Variants in SEMA5A observed in about 807,000 individuals in gnomAD.
SEMA5A encodes semaphorin-5A.
Under a neutral mutation model 135.5 loss-of-function variants are expected in SEMA5A, and 55 were observed. The ratio of observed to expected loss-of-function variants is 0.41; its 90% CI spans 0.33 to 0.51. The LOEUF (loss-of-function observed/expected upper bound fraction) is 0.51. Among genes scored for constraint, SEMA5A ranks in the 20% least tolerant of loss-of-function variants. The pLI, the probability that SEMA5A is intolerant of heterozygous loss-of-function variation, is 0.37. For missense variants in SEMA5A, 1,290 were observed against 1,419.9 expected (o/e 0.91, Z 1.47); for synonymous variants, 580 against 546.5 (o/e 1.06, Z -0.85).
Position 9,122,856 on chromosome 5 carries a change from C to T in SEMA5A, c.1600-19G>A, listed in dbSNP as rs995248665. ...TCCTGGTCTAGGAAGCAAAACCAAG[C>T]AGAGGTGTCAGAAAAGGTTAAAGCT... On this transcript the variant is annotated intron_variant, in intron 13 of 22. Coordinates refer to ENST00000382496, the MANE Select transcript of SEMA5A (RefSeq NM_003966.3). 3 of 1,570,122 alleles carry T rather than the reference C, an allele frequency of 1.9e-6. No homozygotes were observed. In the African/African-American group the frequency reaches 4.1e-5, roughly 21 times the overall value.
At chr5:9,359,049 T>C (rs1321376381) in intron 3 of SEMA5A, among the ~76,000 whole-genome samples, 1 of 152,072 alleles carries the variant, frequency 6.6e-6, no homozygotes, top group Non-Finnish European at 1.5e-5. Flanking sequence ...CCATTTCCTC[T>C]CCTAGACAGG....
At chr5:9,280,622 T>C (rs1266698228) in intron 5 of SEMA5A, among the ~76,000 whole-genome samples, 3 of 152,208 alleles carry the variant, frequency 2.0e-5, no homozygotes, top group Non-Finnish European at 2.9e-5. Context: ...ACATTAAAAA[T>C]ATGCAGTGTT....
chr5:9,121,408 A>G (rs1356478111), intron 14 of SEMA5A, among the ~76,000 whole-genome samples: 1 of 152,234 alleles, frequency 6.6e-6, no homozygotes, highest in African/African-American at 2.4e-5. Context: ...TTTTAATCTT[A>G]AAATAACTAC....
chr5:9,046,201 C>T (rs1284184825), intron 21 of SEMA5A, among the ~76,000 whole-genome samples: 3 of 152,298 alleles, frequency 2.0e-5, no homozygotes, highest in East Asian at 3.9e-4. Flanking sequence ...CCACACACCA[C>T]CAGGGTGAGG....
chr5:9,146,350 T>G (rs1742333736), intron 12 of SEMA5A, among the ~76,000 whole-genome samples: 1 of 152,234 alleles, frequency 6.6e-6, no homozygotes, highest in African/African-American at 2.4e-5. Context: ...AATGTTGCTG[T>G]GCTTTATTAC....
intron 1 of SEMA5A, among the ~76,000 whole-genome samples, chr5:9,540,053 C>G (rs1737991390): frequency 1.3e-5 from 2 of 152,252 alleles, no homozygotes; most frequent in Middle Eastern, 6.8e-3. Flanking sequence ...TTGCTTAAGC[C>G]TTAGTCCTTT....
At chr5:9,318,311 C>T (rs1026847282) in intron 5 of SEMA5A, 61 bp downstream of exon 5, 6 of 1,511,952 alleles carry the variant, frequency 4.0e-6, no homozygotes. Flanking sequence ...TCTTCATCCC[C>T]TCAAACAGTG....
chr5:9,456,111 T>C (rs1561267580), intron 1 of SEMA5A, among the ~76,000 whole-genome samples: 1 of 152,210 alleles, frequency 6.6e-6, no homozygotes, highest in Non-Finnish European at 1.5e-5. Flanking sequence ...AGGACTTAGA[T>C]TGGGGCATAA....
intron 8 of SEMA5A, among the ~76,000 whole-genome samples, chr5:9,206,466 A>T (rs1746021663): frequency 6.6e-6 from 1 of 152,078 alleles, no homozygotes; most frequent in South Asian, 2.1e-4. Flanking sequence ...GCGAAGAAAA[A>T]CATCAAAAAT....
intron 4 of SEMA5A, among the ~76,000 whole-genome samples, chr5:9,323,098 G>T (rs73048698): frequency 0.024 from 3,653 of 152,004 alleles, 160 homozygotes; most frequent in African/African-American, 0.083. Flanking sequence ...TTTTTATTTT[G>T]CCTGAACAAC....
In SEMA5A at chr5:9,225,389, T is replaced by TAAAAA. The variant is rs34806769; in HGVS notation, c.433-507_433-503dup. On this transcript the variant is annotated intron_variant, in intron 7 of 22. Coordinates refer to ENST00000382496, the MANE Select transcript of SEMA5A (RefSeq NM_003966.3). ...TAACACGGTGAAACCCCATCTCTACTAAAAAAAAAAAAAAAAAAAAAAAAA... is the reference window on the plus strand; with the variant it reads ...TAACACGGTGAAACCCCATCTCTACTAAAAAAAAAAAAAAAAAAAAAAAAAAAAAA... 8.4e-4 allele frequency among the ~76,000 whole-genome samples: 36 copies of TAAAAA among 43,106 alleles called. 1 individual carries two copies. Among genetic ancestry groups the TAAAAA allele is most frequent in the Non-Finnish European group, 1.1e-3 (29 of 25,892 alleles). 28.3% of individuals were successfully genotyped at this position (43,106 alleles called of 152,430 possible).
Position 9,051,862 on chromosome 5 carries a change from T to C in SEMA5A, c.2845+11A>G. 6 of 1,614,158 alleles carry C rather than the reference T, an allele frequency of 3.7e-6. No homozygotes were observed. Among genetic ancestry groups the C allele is most frequent in the Non-Finnish European group, 5.1e-6 (6 of 1,180,018 alleles). ...GATTTTATTCTTACTGATAAATACC[T>C]CTGCTCTTACCTGGGATGAAATTAG... On this transcript the variant is annotated intron_variant, in intron 20 of 22. Transcript: ENST00000382496.
At chr5:9,343,442 G>A (rs1341271966) in intron 3 of SEMA5A, among the ~76,000 whole-genome samples, 1 of 152,110 alleles carries the variant, frequency 6.6e-6, no homozygotes, top group Non-Finnish European at 1.5e-5. Flanking sequence ...CTCAAGATGG[G>A]AACCTTCTGT....
Position 9,064,369 on chromosome 5 carries a change from G to A in SEMA5A, c.2300-1264C>T, listed in dbSNP as rs188951319. ...GTATGTTTATGGAGGCACTATTCAC[G>A]ATGGCAAAGACTTGAAACCTGGCCA... On this transcript the variant is annotated intron_variant, in intron 17 of 22. Coordinates refer to ENST00000382496, the MANE Select transcript of SEMA5A (RefSeq NM_003966.3). 7.8e-4 allele frequency among the ~76,000 whole-genome samples: 119 copies of A among 152,272 alleles called. 2 individuals carry two copies. The highest frequency in any genetic ancestry group is 3.4e-3 in the Middle Eastern group (1 of 294).
intron 4 of SEMA5A, among the ~76,000 whole-genome samples, chr5:9,323,389 C>A (rs1221129421): frequency 6.6e-6 from 1 of 151,974 alleles, no homozygotes; most frequent in African/African-American, 2.4e-5. Context: ...TAAAAGAAAT[C>A]TCAACATATA....
At chr5:9,494,271 G>A (rs1735187589) in intron 1 of SEMA5A, among the ~76,000 whole-genome samples, 1 of 152,108 alleles carries the variant, frequency 6.6e-6, no homozygotes, top group Admixed American at 6.6e-5. Context: ...TTATCTTTTA[G>A]CTCTCAAACT....
At chr5:9,469,077 C>T (rs1408503850) in intron 1 of SEMA5A, among the ~76,000 whole-genome samples, 1 of 152,112 alleles carries the variant, frequency 6.6e-6, no homozygotes, top group African/African-American at 2.4e-5. Context: ...GGCACAATCT[C>T]GGCTCACTGC....
At chr5:9,334,309 T>G (rs1024017147) in intron 4 of SEMA5A, among the ~76,000 whole-genome samples, 8 of 152,236 alleles carry the variant, frequency 5.3e-5, no homozygotes, top group African/African-American at 1.4e-4. Flanking sequence ...AAACTTACTC[T>G]TGCTAAATCA....
intron 2 of SEMA5A, among the ~76,000 whole-genome samples, chr5:9,403,626 G>A (rs1756758703): frequency 1.3e-5 from 2 of 152,088 alleles, no homozygotes; most frequent in South Asian, 4.2e-4. Context: ...ACACATACCT[G>A]CTGCCACATT....
Sources: allele counts gnomAD v4.1 joint callset (sites outside exome capture counted in the v4.1 genomes callset), GRCh38; gene constraint gnomAD v4.1.1; transcripts MANE v1.5; gene names NCBI Gene and HGNC (gene_info 2026-07-23, HGNC 2026-07-21).